FREM3: variants seen among roughly 807,000 people sequenced by gnomAD.
FREM3 encodes FRAS1 related extracellular matrix 3.
A neutral mutation model predicts 129.1 loss-of-function variants in FREM3; 105 were observed. The ratio of observed to expected loss-of-function variants is 0.81; its 90% CI spans 0.69 to 0.96. The LOEUF is 0.96. FREM3 is among the 40% of genes least tolerant of loss of function. The pLI is 0.00. For missense variants in FREM3, 2,593 were observed against 2,666.3 expected (o/e 0.97, Z 0.61); for synonymous variants, 1,014 against 1,044.9 (o/e 0.97, Z 0.57).
At chr4:143,657,291 G>A (rs553466495) in intron 2 of FREM3, among the ~76,000 whole-genome samples, 4 of 152,296 alleles carry the variant, frequency 2.6e-5, no homozygotes, top group African/African-American at 9.6e-5. Context: ...TAGGTTAATG[G>A]TGACTGAAAA....
At chr4:143,664,501 G>C (rs1308215615) in intron 2 of FREM3, among the ~76,000 whole-genome samples, 2 of 152,152 alleles carry the variant, frequency 1.3e-5, no homozygotes, top group Non-Finnish European at 2.9e-5. Flanking sequence ...CCCTACTGGG[G>C]GATGCCTCCC....
At chr4:143,582,067 T>C (rs944345172) in intron 7 of FREM3, among the ~76,000 whole-genome samples, 5 of 152,044 alleles carry the variant, frequency 3.3e-5, no homozygotes, top group Non-Finnish European at 5.9e-5. Context: ...CCACTCTGAT[T>C]TGTAGTGGCT....
intron 2 of FREM3, among the ~76,000 whole-genome samples, chr4:143,655,875 A>G (rs1204163300): frequency 6.6e-6 from 1 of 152,144 alleles, no homozygotes; most frequent in Non-Finnish European, 1.5e-5. Context: ...ATTCAGTTTT[A>G]TCAGTGCTTG....
chr4:143,606,381 T>TC (rs933936065), intron 6 of FREM3, among the ~76,000 whole-genome samples: 1 of 151,768 alleles, frequency 6.6e-6, no homozygotes, highest in Admixed American at 6.6e-5. Flanking sequence ...CTTTTTTTTT[T>TC]TTTGCAAACA....
At chr4:143,590,401 T>C (rs1215557644) in intron 6 of FREM3, among the ~76,000 whole-genome samples, 1 of 152,102 alleles carries the variant, frequency 6.6e-6, no homozygotes, top group Non-Finnish European at 1.5e-5. Flanking sequence ...TATTATTTTG[T>C]GATACGTCCC....
chr4:143,604,400 G>C (rs1738630548), intron 6 of FREM3, among the ~76,000 whole-genome samples: 1 of 151,944 alleles, frequency 6.6e-6, no homozygotes, highest in South Asian at 2.1e-4. Context: ...TCACTCTCTG[G>C]AGCACTCTCC....
intron 3 of FREM3, among the ~76,000 whole-genome samples, chr4:143,626,734 A>G (rs1480185300): frequency 6.6e-6 from 1 of 152,018 alleles, no homozygotes; most frequent in East Asian, 1.9e-4. Context: ...GTCCTATTTT[A>G]GGAGCTCTGG....
chr4:143,594,354 T>C (rs6834652), intron 6 of FREM3, among the ~76,000 whole-genome samples: 1 of 152,010 alleles, frequency 6.6e-6, no homozygotes, highest in Admixed American at 6.5e-5. Flanking sequence ...CTGTTCCTAT[T>C]TGGCCATCTT....
chr4:143,658,196 T>C (rs992225007), intron 2 of FREM3, among the ~76,000 whole-genome samples: 5 of 152,200 alleles, frequency 3.3e-5, no homozygotes, highest in Non-Finnish European at 7.3e-5. Flanking sequence ...GATGTTACTA[T>C]TCCAACCCCA....
rs553230675 is a variant in FREM3, at chr4:143,606,776, T to C, written c.6028+4503A>G. Reference sequence around the variant, plus strand: ...CATTTTATTTCTAAGATTTCATGCTTCTATGAATCTAGAAGGATTTTTTTT... The same window carrying C: ...CATTTTATTTCTAAGATTTCATGCTCCTATGAATCTAGAAGGATTTTTTTT... On this transcript the variant is annotated intron_variant, in intron 6 of 7. Coordinates refer to ENST00000329798, the MANE Select transcript of FREM3 (RefSeq NM_001168235.2). Among the ~76,000 whole-genome samples, 4 of 138,826 alleles carry C rather than the reference T, an allele frequency of 2.9e-5. No homozygotes were observed. The South Asian group carries it at 9.6e-4, about 33-fold the overall frequency. The allele number at this position is 138,826 out of a possible 152,430, so 91.1% of individuals were successfully genotyped here. A position where few individuals can be genotyped will look rare whatever the true frequency, so the allele number is the denominator to read the frequency against.
Position 143,699,833 on chromosome 4 carries a change from G to A in FREM3, c.843C>T (p.Ser281=). 1.3e-6 allele frequency: 2 copies of A among 1,536,558 alleles called. No individual in the cohort carries two copies. Among genetic ancestry groups the A allele is most frequent in the African/African-American group, 1.4e-5 (1 of 73,182 alleles). Residue 281 remains serine (S), a synonymous_variant, in exon 1 of 8, where the codon TCC becomes TCT. Coordinates refer to ENST00000329798, the MANE Select transcript of FREM3 (RefSeq NM_001168235.2). The surrounding 1 kb of genome is among the most constrained non-coding windows in gnomAD (Gnocchi z 4.2). ...AGTGCTCGCGGACCAGCACACCCGCGGACCCAGCGTCTTGGCCCTCAGGCC... is the reference window on the plus strand; with the variant it reads ...AGTGCTCGCGGACCAGCACACCCGCAGACCCAGCGTCTTGGCCCTCAGGCC... ...LLGPEGQDAG[S]AGVLVREHFQ...
chr4:143,620,390 G>T (rs1375949523), intron 5 of FREM3, among the ~76,000 whole-genome samples: 1 of 152,184 alleles, frequency 6.6e-6, no homozygotes, highest in Non-Finnish European at 1.5e-5. Flanking sequence ...TTTTCTTGTT[G>T]TCATTTGGGT....
At chr4:143,635,884 C>T (rs576568180) in intron 2 of FREM3, among the ~76,000 whole-genome samples, 1 of 152,224 alleles carries the variant, frequency 6.6e-6, no homozygotes, top group African/African-American at 2.4e-5. Flanking sequence ...GATTTACCAT[C>T]ACACTTTTTT....
chr4:143,631,348 T>C (rs1373385237), intron 2 of FREM3, among the ~76,000 whole-genome samples: 1 of 152,070 alleles, frequency 6.6e-6, no homozygotes, highest in African/African-American at 2.4e-5. Flanking sequence ...TATTTATTTA[T>C]TTATTTATTT....
At chr4:143,611,978 A>G (rs1738765284) in intron 5 of FREM3, among the ~76,000 whole-genome samples, 2 of 152,284 alleles carry the variant, frequency 1.3e-5, no homozygotes, top group Admixed American at 1.3e-4. Context: ...ACACACCCCA[A>G]CTAGAGTTCT....
At chr4:143,588,490 A>G (rs1423723863) in intron 6 of FREM3, among the ~76,000 whole-genome samples, 1 of 150,186 alleles carries the variant, frequency 6.7e-6, no homozygotes, top group Non-Finnish European at 1.5e-5. Flanking sequence ...GAGAACATGC[A>G]GTGTTTGGTT....
At chr4:143,594,774 G>C (rs1738437629) in intron 6 of FREM3, among the ~76,000 whole-genome samples, 1 of 152,204 alleles carries the variant, frequency 6.6e-6, no homozygotes, top group Non-Finnish European at 1.5e-5. Flanking sequence ...ATTCTTTCTA[G>C]ATGCTCTAGG....
chr4:143,588,786 A>G (rs866692524), intron 6 of FREM3, among the ~76,000 whole-genome samples: 32 of 150,822 alleles, frequency 2.1e-4, no homozygotes, highest in African/African-American at 7.8e-4. Context: ...GTCAAATGGT[A>G]TTTCTAGTTC....
chr4:143,609,233 T>TTTTCTCTCCCA (rs1738715331), intron 6 of FREM3, among the ~76,000 whole-genome samples: 1 of 152,132 alleles, frequency 6.6e-6, no homozygotes, highest in Admixed American at 6.6e-5. Context: ...ATTCTCTTCC[T>TTTTCTCTCCCA]TTTCTCTCCC....
Sources: gnomAD v4.1 joint callset for allele counts (sites outside exome capture counted in the v4.1 genomes callset) on GRCh38, gnomAD v4.1.1 for gene constraint, Gnocchi (gnomAD v3.1) non-coding constraint, MANE v1.5 for transcripts, NCBI Gene and HGNC (gene_info 2026-07-23, HGNC 2026-07-21) for gene names.